Variants in MITF observed in about 807,000 individuals in gnomAD.
MITF encodes the protein microphthalmia-associated transcription factor.
A neutral mutation model predicts 60.5 loss-of-function variants in MITF; 17 were observed. The observed-to-expected ratio is 0.28, with a 90% CI of 0.19 to 0.42. The LOEUF (loss-of-function observed/expected upper bound fraction) is 0.42. Among genes scored for constraint, MITF ranks in the 10% least tolerant of loss-of-function variants. The pLI, the probability that MITF is intolerant of heterozygous loss-of-function variation, is 1.00. For missense variants in MITF, 622 were observed against 683.5 expected (o/e 0.91, Z 1.00); for synonymous variants, 260 against 248.5 (o/e 1.05, Z -0.43).
chr3:69,806,543 T>A (rs11917130), intron 1 of MITF, among the ~76,000 whole-genome samples: 76,651 of 151,946 alleles, frequency 0.5, 20,963 homozygotes, highest in Non-Finnish European at 0.63. Context: ...TTACAAATTT[T>A]TGCATATAAT....
intron 1 of MITF, among the ~76,000 whole-genome samples, chr3:69,788,390 G>GT (rs990902213): frequency 2.7e-5 from 4 of 150,432 alleles, no homozygotes; most frequent in East Asian, 2.0e-4. Flanking sequence ...GCGGTGTTTG[G>GT]TTTTTTGTCC....
intron 1 of MITF, among the ~76,000 whole-genome samples, chr3:69,768,269 A>G (rs2062332983): frequency 6.6e-6 from 1 of 152,200 alleles, no homozygotes; most frequent in Non-Finnish European, 1.5e-5. Flanking sequence ...ATAAAGTTAG[A>G]TAAGAAGATA....
At chr3:69,878,529 T>C (rs1292265268) in intron 1 of MITF, among the ~76,000 whole-genome samples, 1 of 152,172 alleles carries the variant, frequency 6.6e-6, no homozygotes, top group Non-Finnish European at 1.5e-5. Context: ...CAGCTCGTCT[T>C]CTGCCCCCTT....
intron 1 of MITF, among the ~76,000 whole-genome samples, chr3:69,818,692 A>G (rs1224884911): frequency 6.6e-6 from 1 of 152,198 alleles, no homozygotes; most frequent in African/African-American, 2.4e-5. Flanking sequence ...CTTCTGATGA[A>G]TATATACTCA....
intron 1 of MITF, among the ~76,000 whole-genome samples, chr3:69,833,053 GTGAT>G (rs1177029571): frequency 6.6e-6 from 1 of 152,172 alleles, no homozygotes; most frequent in Non-Finnish European, 1.5e-5. Flanking sequence ...CACACTGTAT[GTGAT>G]TGTTTTTCTA....
intron 1 of MITF, among the ~76,000 whole-genome samples, chr3:69,742,200 A>AT (rs1703550297): frequency 7.0e-6 from 1 of 142,222 alleles, no homozygotes; most frequent in Non-Finnish European, 1.6e-5. Context: ...GTTGGAGGTG[A>AT]TTTTGCCCCT....
intron 2 of MITF, among the ~76,000 whole-genome samples, chr3:69,889,165 C>G (rs2064701144): frequency 6.6e-6 from 1 of 150,566 alleles, no homozygotes; most frequent in Admixed American, 6.7e-5. Flanking sequence ...TATCCAAGCA[C>G]TGTAGTGCAT....
intron 1 of MITF, among the ~76,000 whole-genome samples, chr3:69,760,325 G>T (rs1180959949): frequency 6.6e-6 from 1 of 152,130 alleles, no homozygotes; most frequent in Non-Finnish European, 1.5e-5. Context: ...CCCAGATTGG[G>T]GCCTAGCCTG....
intron 7 of MITF, among the ~76,000 whole-genome samples, chr3:69,953,280 G>A (rs1212923179): frequency 2.0e-5 from 3 of 152,116 alleles, no homozygotes; most frequent in African/African-American, 7.2e-5. Flanking sequence ...CTACTTAAGT[G>A]AGATGTGGAA....
At chr3:69,832,385 A>G (rs9825023) in intron 1 of MITF, among the ~76,000 whole-genome samples, 76,094 of 152,084 alleles carry the variant, frequency 0.5, 20,752 homozygotes, top group Non-Finnish European at 0.63. Flanking sequence ...GGCCCTGCCA[A>G]AGAAAGTAGA....
At chr3:69,930,276 C>T (rs1240407657) in intron 2 of MITF, among the ~76,000 whole-genome samples, 1 of 151,844 alleles carries the variant, frequency 6.6e-6, no homozygotes, top group Admixed American at 6.6e-5. Flanking sequence ...AAGCTCGGAT[C>T]CTTGAGGCAC....
At chr3:69,787,025 G>A (rs945219890) in intron 1 of MITF, among the ~76,000 whole-genome samples, 6 of 152,150 alleles carry the variant, frequency 3.9e-5, no homozygotes, top group African/African-American at 1.4e-4. Context: ...GTGATGATAA[G>A]ATGTCTGCCA....
At chr3:69,745,679 T>C (rs1402370025) in intron 1 of MITF, among the ~76,000 whole-genome samples, 1 of 152,218 alleles carries the variant, frequency 6.6e-6, no homozygotes, top group Non-Finnish European at 1.5e-5. Context: ...TGATACCTCA[T>C]GGTGGCAGAG....
chr3:69,816,809 A>T (rs2063188878), intron 1 of MITF, among the ~76,000 whole-genome samples: 1 of 152,162 alleles, frequency 6.6e-6, no homozygotes, highest in South Asian at 2.1e-4. Flanking sequence ...GATGATGATG[A>T]TGTTGATAAT....
At chr3:69,842,718 G>A (rs1288558535) in intron 1 of MITF, among the ~76,000 whole-genome samples, 1 of 150,890 alleles carries the variant, frequency 6.6e-6, no homozygotes, top group East Asian at 1.9e-4. Context: ...TAACAAATTT[G>A]CATTTCCAAA....
At chr3:69,849,596 T>C (rs2107172758) in intron 1 of MITF, among the ~76,000 whole-genome samples, 1 of 152,300 alleles carries the variant, frequency 6.6e-6, no homozygotes, top group Middle Eastern at 3.4e-3. Context: ...GCTTGAGTAA[T>C]TTCCCCCTGG....
intron 2 of MITF, among the ~76,000 whole-genome samples, chr3:69,901,462 C>T (rs2107351291): frequency 6.6e-6 from 1 of 152,230 alleles, no homozygotes; most frequent in East Asian, 1.9e-4. Flanking sequence ...CCCTGTCACC[C>T]TGACTCTATC....
intron 1 of MITF, among the ~76,000 whole-genome samples, chr3:69,825,118 G>T (rs1198785707): frequency 6.6e-6 from 1 of 152,160 alleles, no homozygotes; most frequent in Non-Finnish European, 1.5e-5. Context: ...TTTGAAAAGA[G>T]AAAGTTTAAT....
At chr3:69,744,795 A>G (rs1167449199) in intron 1 of MITF, among the ~76,000 whole-genome samples, 2 of 152,220 alleles carry the variant, frequency 1.3e-5, no homozygotes, top group East Asian at 1.9e-4. Context: ...GTTCAGATAA[A>G]TATTTTACAC....
Sources: allele counts gnomAD v4.1 joint callset (sites outside exome capture counted in the v4.1 genomes callset), GRCh38; gene constraint gnomAD v4.1.1; transcripts MANE v1.5; gene names NCBI Gene and HGNC (gene_info 2026-07-23, HGNC 2026-07-21).